Variants in NXF1 observed in about 807,000 individuals in gnomAD.
NXF1 encodes the protein nuclear RNA export factor 1.
NXF1 carries 43 observed loss-of-function variants against 92.4 expected under a neutral mutation model. The ratio of observed to expected loss-of-function variants is 0.47; its 90% CI spans 0.36 to 0.60. The LOEUF (loss-of-function observed/expected upper bound fraction) is 0.60, where lower values mean the gene tolerates loss of function less well. NXF1 is among the 20% of genes least tolerant of loss of function. The pLI is 0.00. For synonymous variants in NXF1, 288 were observed against 292.2 expected, an observed-to-expected ratio of 0.99 and a Z score of 0.15; for missense variants, 576 against 793.0, an observed-to-expected ratio of 0.73 and a Z score of 3.29.
At chr11:62,794,168 A>G (rs1482783965) in intron 19 of NXF1, 90 bp downstream of exon 19, 2 of 1,337,386 alleles carry the variant, frequency 1.5e-6, no homozygotes, top group African/African-American at 3.0e-5. Context: ...TTGTCTCCAA[A>G]AAAAAAACAA....
Position 62,803,283 on chromosome 11 carries a change from T to A in NXF1, c.369+136A>T. ...GTGAGCCGAGATCACGCCACTGTAC[T>A]CCAGCCTGGGTGACAGAGCAAGACT... On this transcript the variant is annotated intron_variant, in intron 3 of 20. Coordinates refer to ENST00000294172, the MANE Select transcript of NXF1 (RefSeq NM_006362.5). 2.0e-5 allele frequency: 14 copies of A among 700,604 alleles called. No homozygotes were observed. In the South Asian group the frequency reaches 2.8e-4, roughly 14 times the overall value. The allele number at this position is 700,604 out of a possible 1,614,324, so 43.4% of individuals were successfully genotyped here.
At chr11:62,797,794 G>C (rs372967319) in intron 11 of NXF1, among the ~76,000 whole-genome samples, 3 of 152,136 alleles carry the variant, frequency 2.0e-5, no homozygotes, top group East Asian at 3.9e-4. Flanking sequence ...AACTAAGAGA[G>C]AAGGGTCAGA....
Position 62,795,039 on chromosome 11 carries a change from T to G in NXF1, c.1505-32A>C, listed in dbSNP as rs751078673. 6 of 1,595,248 alleles carry G rather than the reference T, an allele frequency of 3.8e-6. No homozygotes were observed. The East Asian group carries it at 1.3e-4, about 36-fold the overall frequency. ...TAAGAACAGCAACAACACCTTAGGG[T>G]CACTAGTGCTTTATGTTTACAAACA... On this transcript the variant is annotated intron_variant, in intron 17 of 20. Coordinates refer to ENST00000294172, the MANE Select transcript of NXF1 (RefSeq NM_006362.5).
Position 62,801,159 on chromosome 11 carries a change from C to T in NXF1, c.841G>A (p.Asp281Asn). ...TTCTGAACAATGCTAGACATGTCAT[C>T]CAGCCTGTACAGCCTGTTGTTGCTC... ...NLSNNRLYRL[D>N]DMSSIVQKAP... is the part of the protein sequence containing the mutation. Residue 281 changes from aspartate to asparagine, a missense_variant, in exon 9 of 21, where the codon GAT becomes AAT. By Grantham distance (23) the Asp-to-Asn change is conservative. Coordinates refer to ENST00000294172, the MANE Select transcript of NXF1 (RefSeq NM_006362.5). The T allele has an allele frequency of 6.2e-7, 1 of 1,614,200 alleles. No individual in the cohort carries two copies. The highest frequency in any genetic ancestry group is 8.5e-7 in the Non-Finnish European group (1 of 1,180,048).
intron 19 of NXF1, among the ~76,000 whole-genome samples, chr11:62,793,819 T>TAAAAAAAA (rs56389050): frequency 4.3e-3 from 374 of 86,176 alleles, no homozygotes; most frequent in Non-Finnish European, 5.2e-3. Flanking sequence ...CCGTCTCTAC[T>TAAAAAAAA]AAAAAAAAAA....
At chr11:62,796,980 T>C (rs1014300057) in intron 13 of NXF1, 1 of 585,008 alleles carries the variant, frequency 1.7e-6, no homozygotes, top group Non-Finnish European at 3.0e-6. Flanking sequence ...GGCAGGAGAA[T>C]CACTTGAACC....
In NXF1 at chr11:62,796,344, T is replaced by A. The variant is rs1249083941; in HGVS notation, c.1288A>T (p.Ser430Cys). ...TCCTTGAAATACTCGGCTAAGCTGC[T>A]TCTGGGGGAATAAAAGGAATGGACG... ...IPFIPQNPARSSLAEYFKDSR... is the reference protein window; with the variant it reads ...IPFIPQNPARCSLAEYFKDSR... The change falls in exon 15 of 21, where the codon AGC becomes TGC. Residue 430 changes from serine (S) to cysteine (C), a missense_variant and splice_region_variant. By Grantham distance (112) the Ser-to-Cys change is moderately radical (BLOSUM62 -1). Transcript: ENST00000294172. 5.0e-6 allele frequency: 8 copies of A among 1,614,192 alleles called. No homozygotes were observed. Among genetic ancestry groups the A allele is most frequent in the Non-Finnish European group, 3.4e-6 (4 of 1,180,030 alleles).
chr11:62,792,149 T>C lies in NXF1; in HGVS notation c.*327A>G. 1 of 681,320 alleles carries C rather than the reference T, an allele frequency of 1.5e-6. No individual in the cohort carries two copies. The highest frequency in any genetic ancestry group is 2.4e-6 in the Non-Finnish European group (1 of 412,346). The allele number at this position is 681,320 out of a possible 1,614,324, so 42.2% of individuals were successfully genotyped here. ...ACGAAATACAACATCACTCTTTATATTAAAAAGTGCAGAACACGAAATACA... is the reference window on the plus strand; with the variant it reads ...ACGAAATACAACATCACTCTTTATACTAAAAAGTGCAGAACACGAAATACA... On this transcript the variant is annotated 3_prime_UTR_variant, in exon 21 of 21. Coordinates refer to ENST00000294172, the MANE Select transcript of NXF1 (RefSeq NM_006362.5).
intron 19 of NXF1, among the ~76,000 whole-genome samples, chr11:62,793,726 G>C (rs2084390769): frequency 6.9e-6 from 1 of 144,750 alleles, no homozygotes; most frequent in Non-Finnish European, 1.5e-5. Context: ...CCTCATGCCT[G>C]TAATCCCAGC....
chr11:62,801,674 TG>T (rs775877324), intron 6 of NXF1, 43 bp from the exon 7 acceptor site: 3 of 1,594,060 alleles, frequency 1.9e-6, no homozygotes, highest in Admixed American at 1.7e-5. Flanking sequence ...GGTTTGTGTG[TG>T]GGGGGTGGGG....
rs112335937 is a variant in NXF1, at chr11:62,804,175, A to T, written c.29-197T>A. 90 of 1,529,890 alleles carry T rather than the reference A, an allele frequency of 5.9e-5. No individual in the cohort carries two copies. In the African/African-American group the frequency reaches 1.1e-3, roughly 19 times the overall value. The allele number at this position is 1,529,890 out of a possible 1,614,324, so 94.8% of individuals were successfully genotyped here. On this transcript the variant is annotated intron_variant, in intron 1 of 20. Coordinates refer to ENST00000294172, the MANE Select transcript of NXF1 (RefSeq NM_006362.5). ...GGCAGCATCAGGGAAAAGTTACTGGAAAACTGTGTAGGGCTTTTGAAAAAT... is the reference window on the plus strand; with the variant it reads ...GGCAGCATCAGGGAAAAGTTACTGGTAAACTGTGTAGGGCTTTTGAAAAAT...
chr11:62,801,698 G>T, intron 6 of NXF1, 41 bp downstream of exon 6: 1 of 1,609,138 alleles, frequency 6.2e-7, no homozygotes, highest in South Asian at 1.1e-5. Context: ...GTGAGAAGTA[G>T]TAAGACTGGG....
At chr11:62,796,428 G>A (rs763879522) in intron 14 of NXF1, 32 bp downstream of exon 14, 3 of 1,612,066 alleles carry the variant, frequency 1.9e-6, no homozygotes, top group Non-Finnish European at 2.5e-6. Context: ...AAACCCAGTG[G>A]TCCCGGGCAG....
At chr11:62,800,151 CAGACCCAGCAAACAGAT>C in intron 10 of NXF1, 2 of 1,389,532 alleles carry the variant, frequency 1.4e-6, no homozygotes, top group Non-Finnish European at 9.3e-7. Context: ...AGAAAGGCCA[CAGACCCAGCAAACAGAT>C]AGTCAAGTCA....
chr11:62,804,510 G>A (rs1179859052), intron 1 of NXF1, among the ~76,000 whole-genome samples: 1 of 152,134 alleles, frequency 6.6e-6, no homozygotes, highest in Non-Finnish European at 1.5e-5. Flanking sequence ...GCTTAACCAG[G>A]GACCCTGGAA....
rs764786815 is a variant in NXF1 at position 62,805,358 on chromosome 11, C to A, written c.-2G>T. On this transcript the variant is annotated 5_prime_UTR_variant, in exon 1 of 21. Coordinates refer to ENST00000294172, the MANE Select transcript of NXF1 (RefSeq NM_006362.5). Reference sequence around the variant, plus strand: ...GTACGACTTCCCCTCGTCCGCCATGCCACAGCGAAGATCAAGGGCGGGCTC... The same window carrying A: ...GTACGACTTCCCCTCGTCCGCCATGACACAGCGAAGATCAAGGGCGGGCTC... 2 of 1,611,500 alleles carry A rather than the reference C, an allele frequency of 1.2e-6. No individual in the cohort carries two copies. The highest frequency in any genetic ancestry group is 1.7e-4 in the Middle Eastern group (1 of 6,056).
At chr11:62,800,517 G>C (rs760371430) in intron 9 of NXF1, 31 bp from the exon 10 acceptor site, 1 of 1,544,472 alleles carries the variant, frequency 6.5e-7, no homozygotes, top group East Asian at 2.3e-5. Context: ...AAAGGGAGGA[G>C]ACCCTGGTGA....
intron 17 of NXF1, chr11:62,795,330 G>A (rs898718604): frequency 8.5e-6 from 2 of 235,244 alleles, no homozygotes; most frequent in African/African-American, 4.5e-5. Context: ...ACAAAAATTA[G>A]CTGGGCGTGG....
intron 1 of NXF1, 50 bp downstream of exon 1, chr11:62,805,279 C>A (rs774789438): frequency 4.4e-6 from 7 of 1,573,152 alleles, no homozygotes; most frequent in Admixed American, 1.8e-5. Context: ...GCCGGCGCCG[C>A]CCACCCGCGC....
Sources: gnomAD v4.1 joint callset for allele counts (sites outside exome capture counted in the v4.1 genomes callset) on GRCh38, gnomAD v4.1.1 for gene constraint, MANE v1.5 for transcripts, NCBI Gene and HGNC (gene_info 2026-07-23, HGNC 2026-07-21) for gene names.